Variants in ITPR2 observed in about 807,000 individuals in gnomAD.
The protein encoded by ITPR2 is inositol 1,4,5-trisphosphate-gated calcium channel ITPR2.
In ITPR2, 207 loss-of-function variants were observed where a neutral mutation model predicts 317.1. The observed-to-expected ratio is 0.65, with a 90% confidence interval of 0.58 to 0.73. ITPR2 has a LOEUF of 0.73. Among genes scored for constraint, ITPR2 ranks in the 30% least tolerant of loss-of-function variants. The pLI is 0.00. For synonymous variants in ITPR2, 1,156 were observed against 1,149.1 expected (o/e 1.01, Z -0.12); for missense variants, 2,613 against 3,284.0 (o/e 0.80, Z 4.99).
Position 26,658,809 on chromosome 12 carries a change from T to C in ITPR2, c.1886+304A>G, listed in dbSNP as rs143156491. Among the ~76,000 whole-genome samples the C allele has an allele frequency of 2.9e-3, 449 of 152,344 alleles. 2 individuals carry two copies. The highest frequency in any genetic ancestry group is 0.01 in the African/African-American group (430 of 41,580). On this transcript the variant is annotated intron_variant, in intron 16 of 56. Transcript: ENST00000381340. ...AATAATATACAACCAGTGTATCTCA[T>C]ACAAGTGTGCAAGGATCTAAATGAG... is the stretch of plus-strand genomic sequence containing the variant.
intron 26 of ITPR2, among the ~76,000 whole-genome samples, chr12:26,604,201 C>A (rs1029038382): frequency 6.6e-6 from 1 of 152,226 alleles, no homozygotes; most frequent in African/African-American, 2.4e-5. Context: ...AGCAGAGCAA[C>A]TTAATCCACG....
chr12:26,393,004 C>T (rs372649877), intron 54 of ITPR2, among the ~76,000 whole-genome samples: 8 of 152,314 alleles, frequency 5.3e-5, no homozygotes, highest in East Asian at 3.9e-4. Context: ...CTAATCCTCA[C>T]CCTCCAGGGC....
chr12:26,686,362 TTTC>T (rs149808304), intron 11 of ITPR2, 116 bp downstream of exon 11: 43,430 of 580,246 alleles, frequency 0.075, 1,783 homozygotes, highest in African/African-American at 0.12. Context: ...TTTACACATT[TTTC>T]TTCATTTATG....
chr12:26,440,494 T>A (rs1941459983), intron 46 of ITPR2, among the ~76,000 whole-genome samples: 1 of 152,132 alleles, frequency 6.6e-6, no homozygotes. Context: ...AGACTTCCCA[T>A]AAGATAAAAT....
chr12:26,394,436 G>A (rs1342776324), intron 54 of ITPR2, among the ~76,000 whole-genome samples: 2 of 152,210 alleles, frequency 1.3e-5, no homozygotes, highest in African/African-American at 2.4e-5. Context: ...GGGCCTCAGA[G>A]AGAGGGCAGG....
At chr12:26,814,521 C>G (rs976578380) in intron 1 of ITPR2, among the ~76,000 whole-genome samples, 2 of 152,204 alleles carry the variant, frequency 1.3e-5, no homozygotes, top group African/African-American at 4.8e-5. Context: ...GCAAGCTCTT[C>G]TCCACCACCA....
At chr12:26,471,857 C>T (rs1942297851) in intron 45 of ITPR2, among the ~76,000 whole-genome samples, 1 of 152,226 alleles carries the variant, frequency 6.6e-6, no homozygotes, top group African/African-American at 2.4e-5. Flanking sequence ...GGAAACTGGA[C>T]TCTACCAAAT....
intron 45 of ITPR2, among the ~76,000 whole-genome samples, chr12:26,469,948 T>C (rs1302210520): frequency 6.6e-6 from 1 of 152,150 alleles, no homozygotes; most frequent in Non-Finnish European, 1.5e-5. Flanking sequence ...TTTTGAAATA[T>C]TGGAAGAAGT....
At chr12:26,581,675 A>C (rs1275650468) in intron 32 of ITPR2, among the ~76,000 whole-genome samples, 3 of 152,174 alleles carry the variant, frequency 2.0e-5, no homozygotes, top group Non-Finnish European at 4.4e-5. Context: ...ACCTAGGATT[A>C]AAATTTAATT....
At chr12:26,443,714 C>A in intron 45 of ITPR2, 64 bp from the exon 46 acceptor site, 1 of 1,274,062 alleles carries the variant, frequency 7.8e-7, no homozygotes, top group Non-Finnish European at 1.1e-6. Flanking sequence ...TCAAACTTTG[C>A]AATATCTTTG....
chr12:26,830,652 T>C (rs1175360188), intron 1 of ITPR2, among the ~76,000 whole-genome samples: 1 of 152,244 alleles, frequency 6.6e-6, no homozygotes, highest in African/African-American at 2.4e-5. Context: ...ATAGTCCTTC[T>C]GGTATTTGTT....
intron 37 of ITPR2, among the ~76,000 whole-genome samples, chr12:26,510,717 T>C (rs938435116): frequency 6.6e-6 from 1 of 152,240 alleles, no homozygotes; most frequent in Non-Finnish European, 1.5e-5. Flanking sequence ...GTAAATTCAA[T>C]TTGAATTAAA....
chr12:26,529,773 C>T (rs1943903305), intron 37 of ITPR2, among the ~76,000 whole-genome samples: 1 of 152,158 alleles, frequency 6.6e-6, no homozygotes. Context: ...TAAAATGATT[C>T]CTGGTACCTA....
intron 45 of ITPR2, among the ~76,000 whole-genome samples, chr12:26,466,595 C>T (rs986567976): frequency 6.6e-6 from 1 of 152,018 alleles, no homozygotes; most frequent in African/African-American, 2.4e-5. Flanking sequence ...TTATTTAAAA[C>T]ATAATTGAAT....
At chr12:26,742,323 C>T (rs1949245008) in intron 2 of ITPR2, among the ~76,000 whole-genome samples, 1 of 152,170 alleles carries the variant, frequency 6.6e-6, no homozygotes, top group Non-Finnish European at 1.5e-5. Context: ...TAATGAATTA[C>T]ATAGATGTCA....
chr12:26,656,062 C>A (rs1475962324), intron 19 of ITPR2, among the ~76,000 whole-genome samples: 1 of 152,146 alleles, frequency 6.6e-6, no homozygotes, highest in Non-Finnish European at 1.5e-5. Flanking sequence ...TAAGTACTTA[C>A]AATTCTTGCT....
At chr12:26,651,978 C>A (rs1415497472) in intron 21 of ITPR2, among the ~76,000 whole-genome samples, 2 of 152,206 alleles carry the variant, frequency 1.3e-5, no homozygotes, top group Non-Finnish European at 2.9e-5. Flanking sequence ...CCTAGAAGCA[C>A]TGCTTTTCCA....
At chr12:26,383,065 C>T (rs1939556243) in intron 55 of ITPR2, among the ~76,000 whole-genome samples, 1 of 151,998 alleles carries the variant, frequency 6.6e-6, no homozygotes, top group African/African-American at 2.4e-5. Context: ...TGTTTGGTAC[C>T]CTCCCTACAG....
chr12:26,655,476 T>C (rs2136901376), intron 20 of ITPR2, among the ~76,000 whole-genome samples: 1 of 151,656 alleles, frequency 6.6e-6, no homozygotes. Flanking sequence ...TAGCCGGGCG[T>C]GGTGGCAGGC....
Sources: gnomAD v4.1 joint callset for allele counts (sites outside exome capture counted in the v4.1 genomes callset) on GRCh38, gnomAD v4.1.1 for gene constraint, MANE v1.5 for transcripts, NCBI Gene and HGNC (gene_info 2026-07-23, HGNC 2026-07-21) for gene names.